The following MAPK10 variants were observed in gnomAD, a reference collection of about 807,000 sequenced individuals.
The protein encoded by MAPK10 is JNK3 alpha protein kinase.
MAPK10 carries 25 observed loss-of-function variants against 59.3 expected under a neutral mutation model. The observed-to-expected ratio is 0.42, with a 90% CI of 0.31 to 0.59. MAPK10 has a LOEUF of 0.59. MAPK10 is among the 20% of genes least tolerant of loss of function. The pLI is 0.15. For missense variants in MAPK10, 351 were observed against 568.9 expected (o/e 0.62, Z 3.90); for synonymous variants, 190 against 200.5 (o/e 0.95, Z 0.44).
At chr4:86,104,138 TAA>T (rs1182497220) in intron 5 of MAPK10, among the ~76,000 whole-genome samples, 1 of 152,090 alleles carries the variant, frequency 6.6e-6, no homozygotes, top group Non-Finnish European at 1.5e-5. Flanking sequence ...ATAAATGATA[TAA>T]AGACATGTGG....
chr4:86,019,568 G>T (rs1745278045), intron 13 of MAPK10, among the ~76,000 whole-genome samples: 1 of 152,090 alleles, frequency 6.6e-6, no homozygotes, highest in African/African-American at 2.4e-5. Flanking sequence ...GACAGCCCTT[G>T]GTTCCTTTAC....
chr4:86,370,552 G>A (rs968397123), intron 1 of MAPK10, among the ~76,000 whole-genome samples: 12 of 152,010 alleles, frequency 7.9e-5, no homozygotes, highest in African/African-American at 2.9e-4. Flanking sequence ...TCAAAAAGGA[G>A]TTTGTGATCT....
chr4:86,337,255 A>G (rs564321707), intron 2 of MAPK10, among the ~76,000 whole-genome samples: 35 of 152,312 alleles, frequency 2.3e-4, no homozygotes, highest in African/African-American at 8.4e-4. Context: ...CTTTACCTCT[A>G]CATGGTTCAG....
At chr4:86,483,385 A>G (rs1051349414) in intron 1 of MAPK10, among the ~76,000 whole-genome samples, 2 of 152,146 alleles carry the variant, frequency 1.3e-5, no homozygotes, top group Non-Finnish European at 2.9e-5. Flanking sequence ...ACTTAGGAAA[A>G]TAATGAAAGC....
At chr4:86,487,638 G>A (rs1200355822) in intron 1 of MAPK10, among the ~76,000 whole-genome samples, 2 of 151,542 alleles carry the variant, frequency 1.3e-5, no homozygotes, top group African/African-American at 2.4e-5. Context: ...GGCTGAGGCA[G>A]GAGAATGGTG....
At chr4:86,193,594 C>A (rs556518295) in intron 3 of MAPK10, 149 of 152,496 alleles carry the variant, frequency 9.8e-4, no homozygotes, top group Non-Finnish European at 1.5e-3. Flanking sequence ...ATGGCAGACG[C>A]CCCTCCCCCC....
At chr4:86,327,130 C>T (rs761976426) in intron 2 of MAPK10, 1 of 145,466 alleles carries the variant, frequency 6.9e-6, no homozygotes. Flanking sequence ...GCCATCACAC[C>T]CAGCTAACTT....
chr4:86,463,858 C>G (rs909745029), intron 1 of MAPK10, among the ~76,000 whole-genome samples: 2 of 152,142 alleles, frequency 1.3e-5, no homozygotes, highest in Non-Finnish European at 2.9e-5. Flanking sequence ...GTCCATAAAG[C>G]TCAAATAAAT....
intron 1 of MAPK10, among the ~76,000 whole-genome samples, chr4:86,573,192 C>G (rs903485683): frequency 1.3e-5 from 2 of 152,018 alleles, no homozygotes; most frequent in Admixed American, 6.6e-5. Flanking sequence ...TATGTCTTAC[C>G]TAAGAAAGCT....
At chr4:86,074,445 G>T (rs1431006121) in intron 9 of MAPK10, among the ~76,000 whole-genome samples, 2 of 150,832 alleles carry the variant, frequency 1.3e-5, no homozygotes, top group African/African-American at 4.9e-5. Context: ...CATGATGTTA[G>T]CTGGTGATTT....
intron 9 of MAPK10, among the ~76,000 whole-genome samples, chr4:86,071,763 G>C (rs2048038011): frequency 1.3e-5 from 2 of 150,814 alleles, no homozygotes; most frequent in Admixed American, 1.3e-4. Context: ...CTCTGTTTAG[G>C]TACCAGTACC....
intron 4 of MAPK10, among the ~76,000 whole-genome samples, chr4:86,134,321 T>G (rs2061509199): frequency 6.6e-6 from 1 of 152,178 alleles, no homozygotes; most frequent in African/African-American, 2.4e-5. Context: ...AAACTAGAAG[T>G]GTGATAACTA....
At chr4:86,489,074 A>G (rs963113445) in intron 1 of MAPK10, among the ~76,000 whole-genome samples, 1 of 152,172 alleles carries the variant, frequency 6.6e-6, no homozygotes, top group Non-Finnish European at 1.5e-5. Context: ...TACTCTAGCC[A>G]ACAGCCACCT....
At chr4:86,178,784 C>T (rs181628127) in intron 3 of MAPK10, among the ~76,000 whole-genome samples, 1 of 152,082 alleles carries the variant, frequency 6.6e-6, no homozygotes, top group African/African-American at 2.4e-5. Context: ...ATAGAAAAAC[C>T]TAAAGACTCT....
chr4:86,264,548 C>G (rs1380804473), intron 2 of MAPK10, among the ~76,000 whole-genome samples: 1 of 152,206 alleles, frequency 6.6e-6, no homozygotes, highest in Non-Finnish European at 1.5e-5. Context: ...AGTCTTCTCC[C>G]TTTCTAGTCC....
At chr4:86,316,202 GTATA>G (rs1405401334) in intron 2 of MAPK10, among the ~76,000 whole-genome samples, 1 of 152,036 alleles carries the variant, frequency 6.6e-6, no homozygotes, top group African/African-American at 2.4e-5. Flanking sequence ...GCAAATGGAA[GTATA>G]TTAGCATAGC....
At chr4:86,533,560 C>T (rs1480166793) in intron 1 of MAPK10, among the ~76,000 whole-genome samples, 1 of 152,096 alleles carries the variant, frequency 6.6e-6, no homozygotes, top group Non-Finnish European at 1.5e-5. Context: ...TAAATATCTC[C>T]CCTACTGTGA....
At chr4:86,080,005 G>A (rs2050306988) in intron 9 of MAPK10, 4 of 151,994 alleles carry the variant, frequency 2.6e-5, no homozygotes, top group Admixed American at 2.6e-4. Flanking sequence ...TTTAATGTAA[G>A]TATCATGGTA....
At position 86,385,019 on chromosome 4, in the gene MAPK10, T is replaced by TTA. The variant is rs748759368; in HGVS notation, c.-121-30377_-121-30376dup. Among the ~76,000 whole-genome samples the TTA allele has an allele frequency of 7.9e-5, 12 of 152,252 alleles. No individual in the cohort carries two copies. The East Asian group carries it at 1.7e-3, about 22-fold the overall frequency. ...ATTTAATTACACCTAAATTGTTTTCTTATATATATAATGCTCTTGGGCATA... is the reference window on the plus strand; with the variant it reads ...ATTTAATTACACCTAAATTGTTTTCTTATATATATATAATGCTCTTGGGCATA... On this transcript the variant is annotated intron_variant, in intron 1 of 13. Coordinates refer to the MAPK10 transcript ENST00000361569.
Sources: gnomAD v4.1 joint callset for allele counts (sites outside exome capture counted in the v4.1 genomes callset) on GRCh38, gnomAD v4.1.1 for gene constraint, MANE v1.5 for transcripts, NCBI Gene and HGNC (gene_info 2026-07-23, HGNC 2026-07-21) for gene names.